ERC1: variants seen among roughly 807,000 people sequenced by gnomAD.
ERC1 encodes the protein ELKS/RAB6-interacting/CAST family member 1, also known as RAB6 interacting protein 2.
A neutral mutation model predicts 132.0 loss-of-function variants in ERC1; 56 were observed. The observed-to-expected ratio is 0.42, with a 90% CI of 0.34 to 0.53. The LOEUF (loss-of-function observed/expected upper bound fraction) is 0.53. ERC1 is among the 20% of genes least tolerant of loss of function. The probability of loss-of-function intolerance (pLI) is 0.03; values close to 1 mark genes in which losing one functional copy is unlikely to be tolerated. For missense variants in ERC1, 1,202 were observed against 1,349.9 expected (o/e 0.89, Z 1.72); for synonymous variants, 478 against 476.1 (o/e 1.00, Z -0.05).
chr12:1,454,041 C>T (rs2093478725), intron 18 of ERC1, among the ~76,000 whole-genome samples: 1 of 152,030 alleles, frequency 6.6e-6, no homozygotes, highest in South Asian at 2.1e-4. Flanking sequence ...TTGGGACTCT[C>T]CAGCCCACAC....
chr12:1,298,561 C>G (rs115771626), intron 15 of ERC1, among the ~76,000 whole-genome samples: 3 of 87,186 alleles, frequency 3.4e-5, no homozygotes, highest in Non-Finnish European at 8.6e-5. Flanking sequence ...AAAAAACAAA[C>G]AAACAAAGAA....
chr12:1,112,343 G>C (rs778676663), intron 6 of ERC1, 45 bp downstream of exon 6: 3 of 1,378,162 alleles, frequency 2.2e-6, no homozygotes, highest in Non-Finnish European at 3.1e-6. Context: ...TGGTCCCACA[G>C]TGGGACCCTG....
At chr12:1,248,620 AAGT>A (rs1225684979) in intron 13 of ERC1, among the ~76,000 whole-genome samples, 2 of 152,212 alleles carry the variant, frequency 1.3e-5, no homozygotes, top group African/African-American at 4.8e-5. Context: ...TAGATTTTAC[AAGT>A]AGTGAAACAG....
intron 13 of ERC1, chr12:1,244,483 GT>G (rs1195601301): frequency 5.7e-5 from 25 of 441,526 alleles, no homozygotes; most frequent in Non-Finnish European, 8.9e-6. Context: ...TTCATTAAGT[GT>G]TTTGTACTTA....
At chr12:1,295,392 T>C (rs1164431556) in intron 15 of ERC1, among the ~76,000 whole-genome samples, 1 of 151,700 alleles carries the variant, frequency 6.6e-6, no homozygotes, top group Admixed American at 6.6e-5. Context: ...TGAGGAGAAG[T>C]TGGAAGCCAG....
At chr12:1,449,932 G>A (rs1036142675) in intron 18 of ERC1, among the ~76,000 whole-genome samples, 1 of 151,252 alleles carries the variant, frequency 6.6e-6, no homozygotes, top group African/African-American at 2.4e-5. Context: ...CCCCTTTTAA[G>A]TGATTACTCT....
At chr12:1,057,599 T>G (rs1227604346) in intron 2 of ERC1, among the ~76,000 whole-genome samples, 3 of 145,014 alleles carry the variant, frequency 2.1e-5, no homozygotes, top group Admixed American at 6.9e-5. Flanking sequence ...TTTTTTTTTT[T>G]TTTTTTTTTT....
intron 14 of ERC1, among the ~76,000 whole-genome samples, chr12:1,277,244 C>A (rs766059987): frequency 3.9e-5 from 6 of 152,210 alleles, no homozygotes; most frequent in Non-Finnish European, 8.8e-5. Flanking sequence ...TCGGAAGTAC[C>A]AGGCCACCAT....
In ERC1 at chr12:1,127,845, C is replaced by T. The variant is rs554926212; in HGVS notation, c.1569+11812C>T. ...AAGAGTAGAACTTCACATGAATCAA[C>T]GATAACACTTGGACAGCGGATAGAC... On this transcript the variant is annotated intron_variant, in intron 7 of 18. Transcript: ENST00000360905. 7.4e-4 allele frequency among the ~76,000 whole-genome samples: 113 copies of T among 152,206 alleles called. No individual in the cohort carries two copies. In the Middle Eastern group the frequency reaches 0.024, roughly 32 times the overall value.
intron 15 of ERC1, among the ~76,000 whole-genome samples, chr12:1,344,558 A>G (rs2084252289): frequency 6.6e-6 from 1 of 152,196 alleles, no homozygotes; most frequent in Admixed American, 6.5e-5. Flanking sequence ...TTGGGAACTA[A>G]AATAAGTATT....
intron 13 of ERC1, among the ~76,000 whole-genome samples, chr12:1,249,423 T>G (rs1483531262): frequency 6.6e-6 from 1 of 152,212 alleles, no homozygotes; most frequent in Non-Finnish European, 1.5e-5. Flanking sequence ...TGCTTTTTCT[T>G]GCGAAGCTGC....
chr12:1,494,041 T>C lies in ERC1; in HGVS notation c.*3811T>C, dbSNP rs2094341648. The C allele has an allele frequency of 4.3e-6, 1 of 232,338 alleles. No individual in the cohort carries two copies. Among genetic ancestry groups the C allele is most frequent in the Admixed American group, 5.6e-5 (1 of 17,748 alleles). 14.4% of individuals were successfully genotyped at this position (232,338 alleles called of 1,614,324 possible). A position where few individuals can be genotyped will look rare whatever the true frequency, so the allele number is the denominator to read the frequency against. ...CCTCCTGTTGACCATGTTACTTGAG[T>C]GTAGGCCCGGTGTCAAGACCCTCAG... On this transcript the variant is annotated 3_prime_UTR_variant, in exon 19 of 19. Coordinates refer to ENST00000360905, the MANE Select transcript of ERC1 (RefSeq NM_178040.4).
intron 17 of ERC1, among the ~76,000 whole-genome samples, chr12:1,411,274 A>T (rs1462373815): frequency 6.6e-6 from 1 of 152,180 alleles, no homozygotes; most frequent in Non-Finnish European, 1.5e-5. Context: ...AATAATTATG[A>T]TTAATAAGTT....
intron 1 of ERC1, among the ~76,000 whole-genome samples, chr12:1,027,079 G>A (rs1432285370): frequency 6.6e-6 from 1 of 152,056 alleles, no homozygotes. Context: ...AAATGTTATA[G>A]TTTTTTTCCC....
chr12:1,080,072 C>T (rs1941962786), intron 2 of ERC1, among the ~76,000 whole-genome samples: 1 of 152,198 alleles, frequency 6.6e-6, no homozygotes, highest in African/African-American at 2.4e-5. Flanking sequence ...TGAGAACTAA[C>T]CTAAAATATC....
intron 18 of ERC1, among the ~76,000 whole-genome samples, chr12:1,478,451 A>G (rs541170107): frequency 3.9e-5 from 6 of 152,300 alleles, no homozygotes; most frequent in South Asian, 2.1e-4. Flanking sequence ...TCAGATATGT[A>G]TCTTCTCCTG....
chr12:1,418,218 C>T (rs868177348), intron 17 of ERC1, among the ~76,000 whole-genome samples: 3 of 152,208 alleles, frequency 2.0e-5, no homozygotes, highest in Non-Finnish European at 4.4e-5. Context: ...GAATTCAGGA[C>T]ATGCTACCCC....
At chr12:1,323,206 T>C (rs1469295020) in intron 15 of ERC1, among the ~76,000 whole-genome samples, 2 of 152,144 alleles carry the variant, frequency 1.3e-5, no homozygotes, top group East Asian at 3.8e-4. Flanking sequence ...TAATTCTAAT[T>C]TTAATGTCAA....
At chr12:1,112,062 TAC>T (rs1945940379) in intron 5 of ERC1, among the ~76,000 whole-genome samples, 151 bp from the exon 6 acceptor site, 1 of 148,878 alleles carries the variant, frequency 6.7e-6, no homozygotes, top group Admixed American at 6.7e-5. Flanking sequence ...ACTTAGAAAC[TAC>T]CTATGGCTCT....
Sources: gnomAD v4.1 joint callset for allele counts (sites outside exome capture counted in the v4.1 genomes callset) on GRCh38, gnomAD v4.1.1 for gene constraint, MANE v1.5 for transcripts, NCBI Gene and HGNC (gene_info 2026-07-23, HGNC 2026-07-21) for gene names.